CRTC1: variants seen among roughly 807,000 people sequenced by gnomAD.
The protein encoded by CRTC1 is CREB-regulated transcription coactivator 1.
A neutral mutation model predicts 66.1 loss-of-function variants in CRTC1; 18 were observed. That is an observed-to-expected ratio of 0.27 (90% confidence interval 0.19 to 0.40). The LOEUF is 0.40. Ranked by LOEUF, CRTC1 falls within the 10% of genes least tolerant of loss-of-function variation. CRTC1 has a pLI of 1.00. For synonymous variants in CRTC1, 416 were observed against 398.8 expected (o/e 1.04, Z -0.51); for missense variants, 669 against 887.9 (o/e 0.75, Z 3.13).
intron 1 of CRTC1, among the ~76,000 whole-genome samples, chr19:18,706,642 G>C: frequency 6.6e-6 from 1 of 152,088 alleles, no homozygotes; most frequent in Non-Finnish European, 1.5e-5. Flanking sequence ...TTGGCTATTT[G>C]AGGTTTTTTG....
chr19:18,766,566 C>T (rs2145833029), intron 9 of CRTC1, among the ~76,000 whole-genome samples: 1 of 152,024 alleles, frequency 6.6e-6, no homozygotes, highest in Admixed American at 6.6e-5. Context: ...GTGCCTCAGC[C>T]ACCTGAGTAG....
intron 1 of CRTC1, among the ~76,000 whole-genome samples, chr19:18,686,506 G>C (rs2052687296): frequency 1.3e-5 from 2 of 152,190 alleles, no homozygotes; most frequent in African/African-American, 4.8e-5. Context: ...AATTAGTCGG[G>C]TGTGGTGGCA....
chr19:18,709,269 G>A (rs988191290), intron 1 of CRTC1, among the ~76,000 whole-genome samples: 4 of 152,064 alleles, frequency 2.6e-5, no homozygotes, highest in African/African-American at 9.7e-5. Flanking sequence ...CCTCACACAG[G>A]GACCACCTTT....
chr19:18,780,215 G>C lies in CRTC1; in HGVS notation c.*2833G>C, dbSNP rs1172885156. ...CGGATGCTTGGTCTACACTGGGTTA[G>C]AGGCTGCTCTCCCCACGCACCCATG... On this transcript the variant is annotated 3_prime_UTR_variant, in exon 14 of 14. Coordinates refer to ENST00000321949, the MANE Select transcript of CRTC1 (RefSeq NM_015321.3). 1 of 231,784 alleles carries C rather than the reference G, an allele frequency of 4.3e-6. No homozygotes were observed. The highest frequency in any genetic ancestry group is 8.5e-6 in the Non-Finnish European group (1 of 117,194). The allele number at this position is 231,784 out of a possible 1,614,324, so 14.4% of individuals were successfully genotyped here.
At chr19:18,726,071 G>A (rs187990139) in intron 1 of CRTC1, among the ~76,000 whole-genome samples, 108 of 152,378 alleles carry the variant, frequency 7.1e-4, no homozygotes, top group Middle Eastern at 3.4e-3. Flanking sequence ...CCTGGAACAG[G>A]CTCCAGCTCC....
At chr19:18,709,679 G>A (rs928204623) in intron 1 of CRTC1, among the ~76,000 whole-genome samples, 3 of 152,162 alleles carry the variant, frequency 2.0e-5, no homozygotes, top group African/African-American at 7.2e-5. Context: ...GACTCCACCT[G>A]GGGGAGATGG....
At chr19:18,742,874 T>C (rs1412785139) in intron 1 of CRTC1, 36 bp from the exon 2 acceptor site, 1 of 1,481,112 alleles carries the variant, frequency 6.8e-7, no homozygotes, top group East Asian at 2.3e-5. Flanking sequence ...GCCTGGGAGG[T>C]GACCCCTCCC....
At chr19:18,776,463 C>T (rs1370730221) in intron 13 of CRTC1, among the ~76,000 whole-genome samples, 2 of 152,242 alleles carry the variant, frequency 1.3e-5, no homozygotes, top group Non-Finnish European at 2.9e-5. Context: ...GCAGTCCTCA[C>T]TGGCCTCTTC....
At chr19:18,728,873 C>A (rs146543016) in intron 1 of CRTC1, among the ~76,000 whole-genome samples, 35,423 of 138,834 alleles carry the variant, frequency 0.26, 4,753 homozygotes, top group Middle Eastern at 0.32. Flanking sequence ...AGTGCAGTAG[C>A]ACGATCTCAG....
Position 18,683,683 on chromosome 19 carries a change from G to A in CRTC1, c.-20G>A. ...GGAGGTGGAGGAGGAGGAGGAGGAG[G>A]AGGAGGTGGCGGCGAGAAGATGGCG... On this transcript the variant is annotated 5_prime_UTR_variant, in exon 1 of 14. Coordinates refer to ENST00000321949, the MANE Select transcript of CRTC1 (RefSeq NM_015321.3). 2.2e-6 allele frequency: 3 copies of A among 1,387,188 alleles called. No individual in the cohort carries two copies. The highest frequency in any genetic ancestry group is 3.4e-5 in the East Asian group (1 of 29,534). 85.9% of individuals were successfully genotyped at this position (1,387,188 alleles called of 1,614,324 possible). A position where few individuals can be genotyped will look rare whatever the true frequency, so the allele number is the denominator to read the frequency against.
intron 5 of CRTC1, among the ~76,000 whole-genome samples, chr19:18,751,407 C>G (rs1452487387): frequency 1.3e-5 from 2 of 152,058 alleles, no homozygotes; most frequent in Non-Finnish European, 2.9e-5. Context: ...GCCTGTGGTA[C>G]CAGCCACTCG....
At chr19:18,759,958 C>CCCCCCCCCG in intron 7 of CRTC1, 50 bp from the exon 8 acceptor site, 2 of 1,439,426 alleles carry the variant, frequency 1.4e-6, no homozygotes, top group Non-Finnish European at 1.9e-6. Flanking sequence ...TCCCCGCCGC[C>CCCCCCCCCG]AGCCCCGCCC....
At chr19:18,729,366 C>A (rs1330306399) in intron 1 of CRTC1, among the ~76,000 whole-genome samples, 2 of 149,296 alleles carry the variant, frequency 1.3e-5, no homozygotes, top group Non-Finnish European at 3.0e-5. Flanking sequence ...GCGGAGCTTG[C>A]AGTGAGCTGA....
chr19:18,726,023 T>A (rs965222930), intron 1 of CRTC1, among the ~76,000 whole-genome samples: 4 of 152,230 alleles, frequency 2.6e-5, no homozygotes, highest in Non-Finnish European at 4.4e-5. Context: ...CCGACTCATG[T>A]ACCGCGCCCT....
At chr19:18,700,847 G>A (rs2053119265) in intron 1 of CRTC1, among the ~76,000 whole-genome samples, 1 of 152,230 alleles carries the variant, frequency 6.6e-6, no homozygotes, top group Admixed American at 6.5e-5. Flanking sequence ...GGGGCTCTCT[G>A]TCTGCTTCAG....
intron 1 of CRTC1, among the ~76,000 whole-genome samples, chr19:18,719,672 A>T (rs1366128182): frequency 6.6e-6 from 1 of 152,186 alleles, no homozygotes; most frequent in Non-Finnish European, 1.5e-5. Context: ...CAGCAGGCAG[A>T]TGCCGTTTTC....
intron 6 of CRTC1, among the ~76,000 whole-genome samples, chr19:18,757,777 G>A (rs1568528911): frequency 6.6e-6 from 1 of 152,074 alleles, no homozygotes; most frequent in Admixed American, 6.5e-5. Flanking sequence ...AGCACTTTGG[G>A]AGGCTGAGGT....
intron 1 of CRTC1, among the ~76,000 whole-genome samples, chr19:18,740,633 C>T (rs1465718694): frequency 6.6e-6 from 1 of 152,184 alleles, no homozygotes; most frequent in Non-Finnish European, 1.5e-5. Flanking sequence ...AAAGGTCAGA[C>T]CTCTCTTGGG....
intron 9 of CRTC1, among the ~76,000 whole-genome samples, chr19:18,766,760 T>C (rs929773835): frequency 5.3e-5 from 8 of 152,252 alleles, no homozygotes; most frequent in Non-Finnish European, 1.0e-4. Flanking sequence ...TAATCCTTTT[T>C]ATTTACGTAA....
Sources: gnomAD v4.1 joint callset for allele counts (sites outside exome capture counted in the v4.1 genomes callset) on GRCh38, gnomAD v4.1.1 for gene constraint, MANE v1.5 for transcripts, NCBI Gene and HGNC (gene_info 2026-07-23, HGNC 2026-07-21) for gene names.